Variants in RPS6KA2 observed in about 807,000 individuals in gnomAD.
RPS6KA2 encodes ribosomal protein S6 kinase alpha-2.
In RPS6KA2, 42 loss-of-function variants were observed where a neutral mutation model predicts 91.8. That is an observed-to-expected ratio of 0.46 (90% CI 0.36 to 0.59). The LOEUF is 0.59. Among genes scored for constraint, RPS6KA2 ranks in the 20% least tolerant of loss-of-function variants. The pLI is 0.00. For synonymous variants in RPS6KA2, 414 were observed against 393.6 expected (o/e 1.05, Z -0.61); for missense variants, 798 against 978.5 (o/e 0.82, Z 2.46).
intron 2 of RPS6KA2, among the ~76,000 whole-genome samples, chr6:166,848,478 T>C (rs1046904640): frequency 1.3e-5 from 2 of 152,180 alleles, no homozygotes; most frequent in African/African-American, 4.8e-5. Context: ...TAGCATAATT[T>C]GCAAATGCAA....
At chr6:166,532,628 C>T (rs1783322581) in intron 2 of RPS6KA2, among the ~76,000 whole-genome samples, 1 of 152,122 alleles carries the variant, frequency 6.6e-6, no homozygotes, top group South Asian at 2.1e-4. Flanking sequence ...AGATGACGCC[C>T]ATGGGAAAGC....
chr6:166,422,557 C>T (rs60064777), intron 17 of RPS6KA2, among the ~76,000 whole-genome samples: 1,648 of 152,308 alleles, frequency 0.011, 27 homozygotes, highest in African/African-American at 0.036. Context: ...CCCTTCCCTT[C>T]CTCTCTTTAC....
At chr6:166,848,001 C>A (rs1271699861) in intron 2 of RPS6KA2, among the ~76,000 whole-genome samples, 1 of 152,170 alleles carries the variant, frequency 6.6e-6, no homozygotes, top group Non-Finnish European at 1.5e-5. Context: ...AAAATCTTCA[C>A]AACCTATACA....
At chr6:166,636,070 A>C (rs1464946876) in intron 2 of RPS6KA2, among the ~76,000 whole-genome samples, 1 of 152,178 alleles carries the variant, frequency 6.6e-6, no homozygotes, top group Non-Finnish European at 1.5e-5. Flanking sequence ...CGTTCTGCCT[A>C]CACTGACTCT....
In RPS6KA2 at chr6:166,451,333, G is replaced by A. The variant is rs964720525; in HGVS notation, c.1076-100C>T. On this transcript the variant is annotated intron_variant, in intron 12 of 20. Coordinates refer to ENST00000265678, the MANE Select transcript of RPS6KA2 (RefSeq NM_021135.6). ...GCATGTGGTATGTGTGTGCAAGTCC[G>A]TGTGTGTGTGTGTGTGTGTGTGTGT... is the stretch of plus-strand genomic sequence containing the variant. The A allele has an allele frequency of 1.8e-4, 72 of 396,484 alleles. No individual in the cohort carries two copies. The African/African-American group carries it at 2.1e-3, about 11-fold the overall frequency. 24.6% of individuals were successfully genotyped at this position (396,484 alleles called of 1,614,324 possible). A position where few individuals can be genotyped will look rare whatever the true frequency, so the allele number is the denominator to read the frequency against.
At chr6:166,504,241 G>A (rs1332607484) in intron 6 of RPS6KA2, among the ~76,000 whole-genome samples, 1 of 152,214 alleles carries the variant, frequency 6.6e-6, no homozygotes, top group African/African-American at 2.4e-5. Context: ...TCACAGACAT[G>A]CACCTGAGCC....
intron 11 of RPS6KA2, among the ~76,000 whole-genome samples, chr6:166,464,969 G>A (rs1359576988): frequency 6.6e-6 from 1 of 151,142 alleles, no homozygotes; most frequent in Non-Finnish European, 1.5e-5. Flanking sequence ...GACAGCAGTG[G>A]GATGACAGGT....
chr6:166,643,786 T>A (rs1291561762), intron 2 of RPS6KA2, among the ~76,000 whole-genome samples: 1 of 152,244 alleles, frequency 6.6e-6, no homozygotes, highest in East Asian at 1.9e-4. Flanking sequence ...CCCCCAGACT[T>A]AGTCAGGTGC....
intron 3 of RPS6KA2, among the ~76,000 whole-genome samples, chr6:166,527,866 G>T (rs965898023): frequency 6.6e-6 from 1 of 152,240 alleles, no homozygotes; most frequent in Non-Finnish European, 1.5e-5. Context: ...ACCCATGTTG[G>T]AGTGGGCACC....
Position 166,849,603 on chromosome 6 carries a change from C to T in RPS6KA2, c.123+8597G>A, listed in dbSNP as rs1264113283. 6.6e-6 allele frequency among the ~76,000 whole-genome samples: 1 copy of T among 152,140 alleles called. No homozygotes were observed. Among genetic ancestry groups the T allele is most frequent in the Admixed American group, 6.5e-5 (1 of 15,282 alleles). Reference sequence around the variant, plus strand: ...CGTGGAAATCCATGAGACCGTTCATCGTTTCAAGAAGGACATTGCAATGTT... The same window carrying T: ...CGTGGAAATCCATGAGACCGTTCATTGTTTCAAGAAGGACATTGCAATGTT... On this transcript the variant is annotated intron_variant, in intron 2 of 21. Coordinates refer to the RPS6KA2 transcript ENST00000503859. This position sits in a 1 kb window ranked among gnomAD's most constrained non-coding sequence, Gnocchi z 4.9.
intron 2 of RPS6KA2, among the ~76,000 whole-genome samples, chr6:166,758,965 C>T (rs557053717): frequency 6.6e-6 from 1 of 152,206 alleles, no homozygotes; most frequent in Non-Finnish European, 1.5e-5. Context: ...ACCAAAACAA[C>T]TTTTCACCCA....
At chr6:166,828,671 T>G (rs1165470604) in intron 2 of RPS6KA2, among the ~76,000 whole-genome samples, 1 of 152,136 alleles carries the variant, frequency 6.6e-6, no homozygotes, top group Non-Finnish European at 1.5e-5. Flanking sequence ...TACACAAAAA[T>G]TGACTAAAGA....
At chr6:166,498,389 G>A in intron 8 of RPS6KA2, 119 bp downstream of exon 8, 1 of 1,184,384 alleles carries the variant, frequency 8.4e-7, no homozygotes, top group Non-Finnish European at 1.1e-6. Context: ...CTTGCCCAGT[G>A]TCCCAAGCCC....
intron 2 of RPS6KA2, among the ~76,000 whole-genome samples, chr6:166,828,843 T>G (rs1404440563): frequency 6.6e-6 from 1 of 152,116 alleles, no homozygotes; most frequent in Non-Finnish European, 1.5e-5. Context: ...CATCAAAATG[T>G]AAAACTTTTG....
chr6:166,576,827 C>T (rs763930877), intron 1 of RPS6KA2, among the ~76,000 whole-genome samples: 18 of 152,198 alleles, frequency 1.2e-4, no homozygotes, highest in Non-Finnish European at 2.2e-4. Context: ...TGTTAATCCC[C>T]GAGACAATGG....
At chr6:166,850,168 A>G (rs1369157832) in intron 2 of RPS6KA2, among the ~76,000 whole-genome samples, 1 of 152,094 alleles carries the variant, frequency 6.6e-6, no homozygotes, top group African/African-American at 2.4e-5. Context: ...CTCCACACCC[A>G]GCTCTCAGCT....
At chr6:166,718,664 C>T (rs2128583559) in intron 2 of RPS6KA2, among the ~76,000 whole-genome samples, 1 of 152,310 alleles carries the variant, frequency 6.6e-6, no homozygotes, top group African/African-American at 2.4e-5. Flanking sequence ...GAGAAAGTAG[C>T]ACATACTTCA....
intron 2 of RPS6KA2, among the ~76,000 whole-genome samples, chr6:166,690,590 C>T (rs773827942): frequency 6.6e-6 from 1 of 152,148 alleles, no homozygotes; most frequent in Non-Finnish European, 1.5e-5. Flanking sequence ...TCTGACACCT[C>T]GATGCAGCTC....
intron 2 of RPS6KA2, among the ~76,000 whole-genome samples, chr6:166,658,640 G>A (rs559516535): frequency 2.0e-5 from 3 of 152,322 alleles, no homozygotes; most frequent in East Asian, 3.9e-4. Flanking sequence ...CCCAGGGCAC[G>A]GGGAGTAGGA....
Sources: gnomAD v4.1 joint callset for allele counts (sites outside exome capture counted in the v4.1 genomes callset) on GRCh38, gnomAD v4.1.1 for gene constraint, Gnocchi (gnomAD v3.1) non-coding constraint, MANE v1.5 for transcripts, NCBI Gene and HGNC (gene_info 2026-07-23, HGNC 2026-07-21) for gene names.